The following SGCZ variants were observed in gnomAD, a reference collection of about 807,000 sequenced individuals.
The protein encoded by SGCZ is zeta-sarcoglycan.
Under a neutral mutation model 41.3 loss-of-function variants are expected in SGCZ, and 40 were observed. That is an observed-to-expected ratio of 0.97 (90% CI 0.75 to 1.26). The LOEUF is 1.26. Ranked by LOEUF, SGCZ falls within the 50% of genes most tolerant of loss-of-function variation. The probability of loss-of-function intolerance (pLI) is 0.00; values close to 1 mark genes in which losing one functional copy is unlikely to be tolerated. For synonymous variants in SGCZ, 206 were observed against 137.5 expected (o/e 1.50, Z -3.49); for missense variants, 552 against 369.8 (o/e 1.49, Z -4.04).
intron 1 of SGCZ, among the ~76,000 whole-genome samples, chr8:15,201,539 A>G (rs575924642): frequency 1.3e-3 from 199 of 152,324 alleles, no homozygotes; most frequent in Non-Finnish European, 1.9e-3. Flanking sequence ...GTTCAAGACC[A>G]TGTCTTTACT....
chr8:14,254,249 T>A (rs773359327), intron 3 of SGCZ, among the ~76,000 whole-genome samples: 1 of 152,206 alleles, frequency 6.6e-6, no homozygotes, highest in Non-Finnish European at 1.5e-5. Flanking sequence ...AAAATTTTCA[T>A]TGCCTGATAA....
At chr8:14,170,903 A>C (rs985315382) in intron 4 of SGCZ, among the ~76,000 whole-genome samples, 13 of 152,176 alleles carry the variant, frequency 8.5e-5, no homozygotes, top group African/African-American at 3.1e-4. Flanking sequence ...ATGAAAGGAG[A>C]TTGTGATTAA....
At chr8:14,490,612 A>G (rs1801815343) in intron 2 of SGCZ, among the ~76,000 whole-genome samples, 1 of 152,190 alleles carries the variant, frequency 6.6e-6, no homozygotes, top group African/African-American at 2.4e-5. Context: ...CATAGAAATA[A>G]GTGTTGATTT....
chr8:14,718,417 A>T (rs529485837), intron 1 of SGCZ, among the ~76,000 whole-genome samples: 4 of 152,202 alleles, frequency 2.6e-5, no homozygotes. Flanking sequence ...ATATACGACT[A>T]ATCATGTGAT....
chr8:14,479,753 T>TTTTGAGATGGAGTTTAGC (rs1801478944), intron 2 of SGCZ, among the ~76,000 whole-genome samples: 1 of 65,772 alleles, frequency 1.5e-5, no homozygotes, highest in Non-Finnish European at 3.8e-5. Flanking sequence ...TTTTTTTTTT[T>TTTTGAGATGGAGTTTAGC]TTTTTTTTAT....
rs553164467 is a variant in SGCZ at position 15,199,767 on chromosome 8, A to G, written c.39+37818T>C. Among the ~76,000 whole-genome samples, 175 of 152,310 alleles carry G rather than the reference A, an allele frequency of 1.1e-3. 2 individuals carry two copies. Among genetic ancestry groups the G allele is most frequent in the African/African-American group, 4.0e-3 (165 of 41,580 alleles). ...GATATACTTCATTAGTTTCAGAAAA[A>G]TAAGCCTCAATTAAAAAATAAATTA... On this transcript the variant is annotated intron_variant, in intron 1 of 7. Coordinates refer to ENST00000382080, the MANE Select transcript of SGCZ (RefSeq NM_139167.4).
chr8:14,863,895 G>A (rs1401309661), intron 1 of SGCZ, among the ~76,000 whole-genome samples: 1 of 152,082 alleles, frequency 6.6e-6, no homozygotes, highest in Non-Finnish European at 1.5e-5. Flanking sequence ...CTCTTTAGAT[G>A]AAAATTTAAT....
intron 1 of SGCZ, among the ~76,000 whole-genome samples, chr8:15,047,715 G>A (rs1057385104): frequency 3.3e-5 from 5 of 151,938 alleles, no homozygotes; most frequent in African/African-American, 4.8e-5. Flanking sequence ...TTGTCACTGC[G>A]CATAATCTGA....
chr8:14,173,410 G>A (rs1164816338), intron 4 of SGCZ, among the ~76,000 whole-genome samples: 1 of 151,846 alleles, frequency 6.6e-6, no homozygotes, highest in Non-Finnish European at 1.5e-5. Context: ...GATTTTAAAT[G>A]TAAGAAAAAA....
intron 2 of SGCZ, among the ~76,000 whole-genome samples, chr8:14,549,366 G>C (rs1002028610): frequency 6.6e-6 from 1 of 152,026 alleles, no homozygotes. Flanking sequence ...GAACAGACTT[G>C]AGTAATGCCA....
At chr8:14,426,043 AT>A (rs958902848) in intron 2 of SGCZ, among the ~76,000 whole-genome samples, 2 of 151,954 alleles carry the variant, frequency 1.3e-5, no homozygotes, top group South Asian at 2.1e-4. Context: ...ACAAGAATTC[AT>A]TTTTTTTCTA....
At chr8:14,896,569 C>G (rs1193281187) in intron 1 of SGCZ, among the ~76,000 whole-genome samples, 8 of 151,788 alleles carry the variant, frequency 5.3e-5, no homozygotes, top group African/African-American at 1.7e-4. Context: ...CTCCACCTCT[C>G]AGGTTCCAGT....
rs143713791 is a variant in SGCZ at position 15,208,691 on chromosome 8, G to T, written c.39+28894C>A. On this transcript the variant is annotated intron_variant, in intron 1 of 7. Transcript: ENST00000382080. ...TTAGAGATCAAGTGACTTGCTCAAG[G>T]TCTCACATAGCTATGACAGTATTTG... 4.6e-3 allele frequency among the ~76,000 whole-genome samples: 705 copies of T among 152,066 alleles called. 3 individuals are homozygous for T. The highest frequency in any genetic ancestry group is 0.016 in the African/African-American group (674 of 41,498).
chr8:14,207,721 A>C (rs886518750), intron 4 of SGCZ, among the ~76,000 whole-genome samples: 4 of 152,138 alleles, frequency 2.6e-5, no homozygotes, highest in African/African-American at 9.7e-5. Context: ...CTATGTTTGA[A>C]CACCTCAAGA....
intron 1 of SGCZ, among the ~76,000 whole-genome samples, chr8:15,144,590 T>C (rs1296793694): frequency 1.3e-5 from 2 of 151,930 alleles, no homozygotes; most frequent in Non-Finnish European, 2.9e-5. Flanking sequence ...GCCTCCTGAG[T>C]AGCTTGGAAT....
At chr8:15,181,368 A>C (rs991594032) in intron 1 of SGCZ, among the ~76,000 whole-genome samples, 2 of 152,130 alleles carry the variant, frequency 1.3e-5, no homozygotes, top group African/African-American at 2.4e-5. Flanking sequence ...CACAGAAAAA[A>C]CACCTAAGGG....
intron 1 of SGCZ, among the ~76,000 whole-genome samples, chr8:15,231,897 CA>C (rs1434382527): frequency 6.6e-6 from 1 of 152,124 alleles, no homozygotes; most frequent in Non-Finnish European, 1.5e-5. Flanking sequence ...GTTGGGATTA[CA>C]GGCGTGAGCC....
chr8:14,378,990 A>G (rs1243981138), intron 2 of SGCZ, among the ~76,000 whole-genome samples: 1 of 152,240 alleles, frequency 6.6e-6, no homozygotes, highest in South Asian at 2.1e-4. Flanking sequence ...CTTACGTAAT[A>G]TAATACCTTT....
At chr8:14,540,924 T>A (rs988555723) in intron 2 of SGCZ, among the ~76,000 whole-genome samples, 4 of 151,600 alleles carry the variant, frequency 2.6e-5, no homozygotes, top group African/African-American at 7.3e-5. Context: ...GTTATGATTG[T>A]TTAGTTGATG....
Sources: gnomAD v4.1 joint callset for allele counts (sites outside exome capture counted in the v4.1 genomes callset) on GRCh38, gnomAD v4.1.1 for gene constraint, MANE v1.5 for transcripts, NCBI Gene and HGNC (gene_info 2026-07-23, HGNC 2026-07-21) for gene names.